EPHA6: variants seen among roughly 807,000 people sequenced by gnomAD.
The protein encoded by EPHA6 is EPH receptor A6.
A neutral mutation model predicts 112.0 loss-of-function variants in EPHA6; 50 were observed. The ratio of observed to expected loss-of-function variants is 0.45; its 90% CI spans 0.36 to 0.56. EPHA6 has a LOEUF of 0.56. Ranked by LOEUF, EPHA6 falls within the 20% of genes least tolerant of loss-of-function variation. EPHA6 has a pLI of 0.00. For missense variants in EPHA6, 1,280 were observed against 1,417.4 expected (o/e 0.90, Z 1.56); for synonymous variants, 529 against 490.7 (o/e 1.08, Z -1.03).
At chr3:97,128,599 A>G (rs965379926) in intron 3 of EPHA6, among the ~76,000 whole-genome samples, 35 of 152,166 alleles carry the variant, frequency 2.3e-4, no homozygotes, top group African/African-American at 8.2e-4. Flanking sequence ...GCTCACTGCA[A>G]CCTCTACCTC....
At chr3:96,917,418 C>CAAAAAAAAAAAAA (rs5851049) in intron 2 of EPHA6, among the ~76,000 whole-genome samples, 1 of 58,080 alleles carries the variant, frequency 1.7e-5, no homozygotes, top group African/African-American at 6.1e-5. Context: ...GACTCCATCT[C>CAAAAAAAAAAAAA]AAAAAAAAAA....
intron 3 of EPHA6, among the ~76,000 whole-genome samples, chr3:97,079,606 TAA>T (rs71113851): frequency 2.0e-3 from 227 of 113,236 alleles, no homozygotes; most frequent in East Asian, 0.018. Context: ...AAATTAAAAG[TAA>T]AAAAAAAAAA....
At chr3:97,206,483 T>G (rs74665229) in intron 3 of EPHA6, among the ~76,000 whole-genome samples, 1 of 152,128 alleles carries the variant, frequency 6.6e-6, no homozygotes, top group South Asian at 2.1e-4. Context: ...TCTCTTTATA[T>G]AGAATTTTGT....
At chr3:97,528,586 A>G (rs753046984) in intron 10 of EPHA6, among the ~76,000 whole-genome samples, 20 of 152,116 alleles carry the variant, frequency 1.3e-4, no homozygotes, top group Admixed American at 2.0e-4. Flanking sequence ...CTTTGCTTCA[A>G]TGCTCTCTAG....
chr3:96,945,014 T>C (rs1408714672), intron 2 of EPHA6, among the ~76,000 whole-genome samples: 1 of 152,208 alleles, frequency 6.6e-6, no homozygotes, highest in African/African-American at 2.4e-5. Flanking sequence ...TTCTACAGTT[T>C]TCATTGTTTT....
chr3:96,862,092 G>A (rs533116021), intron 1 of EPHA6, among the ~76,000 whole-genome samples: 1 of 151,988 alleles, frequency 6.6e-6, no homozygotes, highest in East Asian at 1.9e-4. Context: ...TCAGTTTAAA[G>A]CATTTAAACA....
intron 14 of EPHA6, among the ~76,000 whole-genome samples, chr3:97,659,203 G>T (rs1485175034): frequency 6.6e-6 from 1 of 151,476 alleles, no homozygotes; most frequent in Non-Finnish European, 1.5e-5. Flanking sequence ...GATATAATTA[G>T]AAACAAAATC....
intron 3 of EPHA6, among the ~76,000 whole-genome samples, chr3:97,146,533 G>T (rs2076047044): frequency 6.6e-6 from 1 of 151,792 alleles, no homozygotes; most frequent in African/African-American, 2.4e-5. Flanking sequence ...CTTCAAAACT[G>T]AAAGATTTTC....
At position 97,097,913 on chromosome 3, in the gene EPHA6, A is replaced by G. The variant is rs560160904; in HGVS notation, c.1114+109920A>G. Reference sequence around the variant, plus strand: ...GAGTAATGATGTGGGTGAGAATAATATGATTAACAATGCCACAGTTCTACT... The same window carrying G: ...GAGTAATGATGTGGGTGAGAATAATGTGATTAACAATGCCACAGTTCTACT... On this transcript the variant is annotated intron_variant, in intron 3 of 17. Transcript: ENST00000389672. Among the ~76,000 whole-genome samples the G allele has an allele frequency of 2.6e-5, 4 of 152,060 alleles. No individual in the cohort carries two copies. The South Asian group carries it at 8.3e-4, about 32-fold the overall frequency.
intron 5 of EPHA6, among the ~76,000 whole-genome samples, chr3:97,250,060 A>T (rs962172988): frequency 6.6e-6 from 1 of 152,226 alleles, no homozygotes; most frequent in African/African-American, 2.4e-5. Flanking sequence ...ACTTGAGCAG[A>T]TCACGAATTG....
intron 7 of EPHA6, among the ~76,000 whole-genome samples, chr3:97,451,247 G>A (rs1209634799): frequency 6.6e-5 from 10 of 151,936 alleles, no homozygotes; most frequent in African/African-American, 2.4e-4. Flanking sequence ...ATACATGCAA[G>A]ACCCTATGCT....
chr3:97,604,100 G>A (rs940036811), intron 12 of EPHA6, among the ~76,000 whole-genome samples: 2 of 151,628 alleles, frequency 1.3e-5, no homozygotes, highest in Admixed American at 6.6e-5. Context: ...TAAGGAGGAG[G>A]CTATAATAAT....
At chr3:96,899,563 T>C (rs777140937) in intron 2 of EPHA6, among the ~76,000 whole-genome samples, 15 of 152,336 alleles carry the variant, frequency 9.8e-5, no homozygotes, top group Admixed American at 2.6e-4. Flanking sequence ...GATCAGTGTG[T>C]GTCCCTTTCT....
chr3:97,723,364 A>G (rs1343511713), intron 15 of EPHA6, among the ~76,000 whole-genome samples: 1 of 152,208 alleles, frequency 6.6e-6, no homozygotes, highest in Non-Finnish European at 1.5e-5. Flanking sequence ...AAGGTTGCCC[A>G]GCCATTCTGG....
chr3:97,367,710 G>T, intron 5 of EPHA6, among the ~76,000 whole-genome samples: 1 of 151,390 alleles, frequency 6.6e-6, no homozygotes, highest in Non-Finnish European at 1.5e-5. Context: ...TTTCATATTT[G>T]TAACCCAATT....
intron 3 of EPHA6, among the ~76,000 whole-genome samples, chr3:97,173,900 T>C (rs1373547460): frequency 6.6e-6 from 1 of 151,810 alleles, no homozygotes; most frequent in African/African-American, 2.4e-5. Flanking sequence ...CCAGTTACAT[T>C]ATTTATTTTA....
At chr3:97,040,535 G>A (rs566685969) in intron 3 of EPHA6, among the ~76,000 whole-genome samples, 1 of 152,026 alleles carries the variant, frequency 6.6e-6, no homozygotes, top group Admixed American at 6.6e-5. Flanking sequence ...AGCTTATTAT[G>A]AATTCTTCAT....
At chr3:97,674,753 A>G (rs547866628) in intron 14 of EPHA6, among the ~76,000 whole-genome samples, 2 of 152,350 alleles carry the variant, frequency 1.3e-5, no homozygotes, top group South Asian at 4.1e-4. Context: ...TGTGCTTGTT[A>G]TTCACTGCTA....
chr3:97,322,331 A>G (rs2108786602), intron 5 of EPHA6, among the ~76,000 whole-genome samples: 1 of 152,122 alleles, frequency 6.6e-6, no homozygotes, highest in Middle Eastern at 3.4e-3. Context: ...TCATTCCTAT[A>G]CCCACATTTC....
Sources: allele counts gnomAD v4.1 joint callset (sites outside exome capture counted in the v4.1 genomes callset), GRCh38; gene constraint gnomAD v4.1.1; transcripts MANE v1.5; gene names NCBI Gene and HGNC (gene_info 2026-07-23, HGNC 2026-07-21).